TPM3: variants seen among roughly 807,000 people sequenced by gnomAD.
The protein encoded by TPM3 is tropomyosin alpha-3 chain.
In TPM3, 16 loss-of-function variants were observed where a neutral mutation model predicts 43.1. That is an observed-to-expected ratio of 0.37 (90% CI 0.25 to 0.56). TPM3 has a LOEUF of 0.56. Among genes scored for constraint, TPM3 ranks in the 20% least tolerant of loss-of-function variants. TPM3 has a pLI of 0.77. For missense variants in TPM3, 176 were observed against 337.2 expected (o/e 0.52, Z 3.74); for synonymous variants, 101 against 116.9 (o/e 0.86, Z 0.88).
At chr1:154,185,366 CTG>C (rs1190932964) in intron 2 of TPM3, among the ~76,000 whole-genome samples, 3 of 90,840 alleles carry the variant, frequency 3.3e-5, no homozygotes, top group Admixed American at 1.3e-4. Flanking sequence ...GAGTGAGACT[CTG>C]TATCAAAAAA....
chr1:154,184,338 T>C (rs1241884150), intron 2 of TPM3, among the ~76,000 whole-genome samples: 1 of 152,078 alleles, frequency 6.6e-6, no homozygotes, highest in African/African-American at 2.4e-5. Context: ...TTGAGAGTCA[T>C]CATGCACCAA....
chr1:154,175,983 G>C (rs943963792), intron 3 of TPM3, 132 bp downstream of exon 3: 2 of 1,467,334 alleles, frequency 1.4e-6, no homozygotes, highest in African/African-American at 2.8e-5. Context: ...GCGTCCCAAA[G>C]TGCTGGGATT....
rs1321823508 is a variant in TPM3 at position 154,176,094 on chromosome 1, C to G, written c.377+21G>C. 3.1e-6 allele frequency: 5 copies of G among 1,612,526 alleles called. No homozygotes were observed. In the African/African-American group the frequency reaches 5.4e-5, roughly 17 times the overall value. On this transcript the variant is annotated intron_variant, in intron 3 of 9. Transcript: ENST00000651641. ...ATTATGAACTTTTAAAATCCACACT[C>G]CATCAGGCTTCCCTACACACCTCTC... is the stretch of plus-strand genomic sequence containing the variant.
intron 2 of TPM3, chr1:154,183,861 T>C (rs1227897593): frequency 6.9e-6 from 1 of 145,520 alleles, no homozygotes; most frequent in Admixed American, 6.8e-5. Context: ...CCTTTTTTTT[T>C]TTTTTTTTTT....
chr1:154,190,736 C>T (rs1172299663), intron 2 of TPM3, among the ~76,000 whole-genome samples: 1 of 152,164 alleles, frequency 6.6e-6, no homozygotes, highest in Non-Finnish European at 1.5e-5. Flanking sequence ...CCTCCATTTC[C>T]CATTGTGAAA....
intron 2 of TPM3, among the ~76,000 whole-genome samples, chr1:154,189,798 CAAAAAAAAAAA>C (rs1167349462): frequency 3.0e-4 from 13 of 43,840 alleles, no homozygotes; most frequent in African/African-American, 4.3e-4. Flanking sequence ...AACCCTGTCT[CAAAAAAAAAAA>C]AAAAAAAAAA....
chr1:154,156,188 G>A (rs187157168), downstream of TPM3: 926 of 175,540 alleles, frequency 5.3e-3, 12 homozygotes, highest in African/African-American at 0.021. Context: ...CCGAGATCGA[G>A]CCATTACGCT....
In TPM3 at chr1:154,165,844, C is replaced by T. The variant is rs1472364621; in HGVS notation, c.*2093G>A. Among the ~76,000 whole-genome samples, 1 of 151,632 alleles carries T rather than the reference C, an allele frequency of 6.6e-6. No individual in the cohort carries two copies. Among genetic ancestry groups the T allele is most frequent in the Non-Finnish European group, 1.5e-5 (1 of 67,892 alleles). On this transcript the variant is annotated 3_prime_UTR_variant, in exon 10 of 10. Transcript: ENST00000651641. The stretch of plus-strand genomic sequence containing the variant: ...AAAGTTTTAACATGTTTATGAAGTA[C>T]CCATTACATGCCTTCTTCCATGAGT...
rs1189806750 is a variant in TPM3 at position 154,162,016 on chromosome 1, C to T, written c.*5921G>A. 1.3e-5 allele frequency among the ~76,000 whole-genome samples: 2 copies of T among 152,030 alleles called. No homozygotes were observed. Among genetic ancestry groups the T allele is most frequent in the African/African-American group, 2.4e-5 (1 of 41,416 alleles). Reference sequence around the variant, plus strand: ...CTGATAATAGCTAAAACAAAACAAACGAAAAGGCAAGGCAGAGAACCTATT... The same window carrying T: ...CTGATAATAGCTAAAACAAAACAAATGAAAAGGCAAGGCAGAGAACCTATT... On this transcript the variant is annotated 3_prime_UTR_variant, in exon 10 of 10. Transcript: ENST00000651641.
chr1:154,182,647 G>C (rs576160578), intron 2 of TPM3, among the ~76,000 whole-genome samples: 1 of 152,290 alleles, frequency 6.6e-6, no homozygotes, highest in Non-Finnish European at 1.5e-5. Context: ...CCTCCATGGG[G>C]AAGTGGGGGA....
intron 8 of TPM3, chr1:154,170,034 G>A: frequency 3.5e-6 from 1 of 289,390 alleles, no homozygotes; most frequent in East Asian, 8.8e-5. Flanking sequence ...AAGAACTGTG[G>A]AAAGTAGCCA....
At position 154,176,219 on chromosome 1, in the gene TPM3, A is replaced by G. The variant is rs974189739; in HGVS notation, c.273T>C (p.Arg91=). Residue 91 remains arginine (R), a synonymous_variant, in exon 3 of 10, where the codon CGT becomes CGC. Coordinates refer to ENST00000651641, the MANE Select transcript of TPM3 (RefSeq NM_152263.4). ...GCTCTTCTTCAACCAGCTGGATCCT[A>G]CGGTTCAAGGAGGCCACCTCAGCCT... ...DAEAEVASLN[R]RIQLVEEELD... is the part of the protein sequence containing the mutation. 2 of 1,614,082 alleles carry G rather than the reference A, an allele frequency of 1.2e-6. No homozygotes were observed.
At chr1:154,175,551 C>G (rs1662213461) in intron 3 of TPM3, among the ~76,000 whole-genome samples, 1 of 152,128 alleles carries the variant, frequency 6.6e-6, no homozygotes, top group Non-Finnish European at 1.5e-5. Context: ...TCCAAAGTTT[C>G]TGATTCAGCA....
chr1:154,179,740 T>A (rs1320655659), intron 2 of TPM3, among the ~76,000 whole-genome samples: 3 of 152,070 alleles, frequency 2.0e-5, no homozygotes, highest in African/African-American at 7.2e-5. Flanking sequence ...TGCGCCACCA[T>A]GCCCAGCTAA....
Position 154,172,908 on chromosome 1 carries a change from G to A in TPM3, c.566C>T (p.Ser189Phe). The part of the protein sequence containing the change: ...RTEERAELAE[S>F]KCSELEEELK... ...AAGATTTGGGGAGCTAGATACTCAC[G>A]ACTCTGCCAGCTCAGCTCGTTCCTC... Residue 189 changes from serine to phenylalanine, a missense_variant and splice_region_variant, in exon 5 of 10, where the codon TCT (serine) becomes TTT (phenylalanine). By Grantham distance (155) the Ser-to-Phe change is radical. This residue lies in a region of TPM3 where 53 missense variants were observed against 98.3 expected (regional missense o/e 0.54). Coordinates refer to ENST00000651641, the MANE Select transcript of TPM3 (RefSeq NM_152263.4). The A allele has an allele frequency of 3.7e-6, 6 of 1,614,148 alleles. No individual in the cohort carries two copies. The highest frequency in any genetic ancestry group is 2.2e-5 in the East Asian group (1 of 44,884).
intron 2 of TPM3, among the ~76,000 whole-genome samples, chr1:154,180,791 G>C (rs991168803): frequency 6.6e-6 from 1 of 152,018 alleles, no homozygotes; most frequent in African/African-American, 2.4e-5. Flanking sequence ...CGAGTGTGGT[G>C]GTGGATGCCT....
rs1662295133 is a variant in TPM3 at position 154,176,244 on chromosome 1, T to C, written c.248A>G (p.Glu83Gly). ...ACGGTTCAAGGAGGCCACCTCAGCC[T>C]CAGCCTGCATTTGAAGGAAAGAATG... is the stretch of plus-strand genomic sequence containing the variant. ...ELAEKKAADA[E>G]AEVASLNRRI... Residue 83 changes from glutamate (E) to glycine (G), a missense_variant, in exon 3 of 10, where the codon GAG becomes GGG. Glu to Gly is a moderately conservative substitution (Grantham distance 98). Coordinates refer to ENST00000651641, the MANE Select transcript of TPM3 (RefSeq NM_152263.4). 6.2e-7 allele frequency: 1 copy of C among 1,613,958 alleles called. No homozygotes were observed. Among genetic ancestry groups the C allele is most frequent in the African/African-American group, 1.3e-5 (1 of 74,872 alleles).
chr1:154,159,804 A>T (rs969466723), downstream of TPM3, among the ~76,000 whole-genome samples: 3 of 152,064 alleles, frequency 2.0e-5, no homozygotes, highest in Admixed American at 6.6e-5. Context: ...CTTCTGGGAA[A>T]ACTTTAGCTT....
intron 6 of TPM3, 33 bp from the exon 7 acceptor site, chr1:154,170,744 A>G (rs1164511406): frequency 2.0e-6 from 3 of 1,478,918 alleles, no homozygotes; most frequent in Non-Finnish European, 2.8e-6. Context: ...ATTTCAGAGT[A>G]GAAATTAGTC....
Sources: allele counts gnomAD v4.1 joint callset (sites outside exome capture counted in the v4.1 genomes callset), GRCh38; gene constraint gnomAD v4.1.1; regional missense constraint gnomAD v4.1.1; transcripts MANE v1.5; gene names NCBI Gene and HGNC (gene_info 2026-07-23, HGNC 2026-07-21).